Variants in TMPRSS3 observed in about 807,000 individuals in gnomAD.
TMPRSS3 encodes transmembrane protease serine 3.
TMPRSS3 carries 55 observed loss-of-function variants against 59.6 expected under a neutral mutation model. The observed-to-expected ratio is 0.92, with a 90% CI of 0.74 to 1.16. The LOEUF is 1.16. Among genes scored for constraint, TMPRSS3 ranks in the 50% most tolerant of loss-of-function variants. The probability of loss-of-function intolerance (pLI) is 0.00; values close to 1 mark genes in which losing one functional copy is unlikely to be tolerated. For synonymous variants in TMPRSS3, 257 were observed against 237.7 expected (o/e 1.08, Z -0.75); for missense variants, 596 against 579.4 (o/e 1.03, Z -0.29).
At chr21:42,387,526 G>T (rs2146446393) in intron 5 of TMPRSS3, among the ~76,000 whole-genome samples, 1 of 152,258 alleles carries the variant, frequency 6.6e-6, no homozygotes, top group East Asian at 1.9e-4. Flanking sequence ...GGAGGGAGAG[G>T]GAGGCAGACC....
At chr21:42,376,730 C>T in intron 10 of TMPRSS3, 47 bp from the exon 11 acceptor site, 1 of 1,613,068 alleles carries the variant, frequency 6.2e-7, no homozygotes. Context: ...GAAGCCCGGC[C>T]CAAAACACAG....
Position 42,388,501 on chromosome 21 carries a change from C to T in TMPRSS3, c.348G>A (p.Val116=). The T allele has an allele frequency of 6.2e-7, 1 of 1,614,206 alleles. No individual in the cohort carries two copies. The highest frequency in any genetic ancestry group is 8.5e-7 in the Non-Finnish European group (1 of 1,180,040). ...RCVRVGGQNA[V]LQVFTAASWK... Reference sequence around the variant, plus strand: ...ACGAAGCAGCTGTGAACACCTGGAGCACGGCATTCTGACCACCCACCCGGA... The same window carrying T: ...ACGAAGCAGCTGTGAACACCTGGAGTACGGCATTCTGACCACCCACCCGGA... The change falls in exon 5 of 13, where the codon GTG becomes GTA. Residue 116 remains valine, a synonymous_variant. Coordinates refer to ENST00000644384, the MANE Select transcript of TMPRSS3 (RefSeq NM_001256317.3). This position sits in a 1 kb window ranked among gnomAD's most constrained non-coding sequence, Gnocchi z 5.1.
chr21:42,374,880 A>G (rs912965549), intron 12 of TMPRSS3, among the ~76,000 whole-genome samples: 3 of 152,116 alleles, frequency 2.0e-5, no homozygotes, highest in African/African-American at 7.2e-5. Context: ...TTACATTGCA[A>G]GCAAGGACGT....
At chr21:42,395,767 G>C (rs225320) in intron 1 of TMPRSS3, 175 bp downstream of exon 1, 1 of 391,704 alleles carries the variant, frequency 2.6e-6, no homozygotes, top group Admixed American at 3.3e-5. Flanking sequence ...TGCTTTAGAG[G>C]GACTCCCTCT....
At chr21:42,376,729 C>A (rs2052436688) in intron 10 of TMPRSS3, 46 bp from the exon 11 acceptor site, 3 of 1,613,128 alleles carry the variant, frequency 1.9e-6, no homozygotes, top group Non-Finnish European at 2.5e-6. Context: ...GGAAGCCCGG[C>A]CCAAAACACA....
chr21:42,373,984 G>A (rs938218647), intron 12 of TMPRSS3, among the ~76,000 whole-genome samples: 3 of 152,174 alleles, frequency 2.0e-5, no homozygotes, highest in African/African-American at 7.2e-5. Context: ...CTCAGCCCCT[G>A]GGGATCTGTG....
At chr21:42,376,721 A>G (rs774452631) in intron 10 of TMPRSS3, 38 bp from the exon 11 acceptor site, 1 of 1,613,384 alleles carries the variant, frequency 6.2e-7, no homozygotes, top group Admixed American at 1.7e-5. Context: ...TGTGAGAAGG[A>G]AGCCCGGCCC....
At position 42,371,961 on chromosome 21, in the gene TMPRSS3, C is replaced by T. The variant is rs1322304868; in HGVS notation, c.*801G>A. The T allele has an allele frequency of 1.1e-5, 5 of 454,526 alleles. No individual in the cohort carries two copies. Among genetic ancestry groups the T allele is most frequent in the South Asian group, 4.7e-5 (3 of 64,480 alleles). 28.2% of individuals were successfully genotyped at this position (454,526 alleles called of 1,614,324 possible). A position where few individuals can be genotyped will look rare whatever the true frequency, so the allele number is the denominator to read the frequency against. ...CAAGCACCAAATGCTACAAAGAAATCATGAAAATAGGCCTTAAACGAGTCA... is the reference window on the plus strand; with the variant it reads ...CAAGCACCAAATGCTACAAAGAAATTATGAAAATAGGCCTTAAACGAGTCA... On this transcript the variant is annotated 3_prime_UTR_variant, in exon 13 of 13. Transcript: ENST00000644384.
chr21:42,388,240 T>C lies in TMPRSS3; in HGVS notation c.446+163A>G, dbSNP rs74983932. Reference sequence around the variant, plus strand: ...TTAGCCTGTCTGGCCTTGGTTTGCTTGCCTGTGAAGTGAGGATGATATCGG... The same window carrying C: ...TTAGCCTGTCTGGCCTTGGTTTGCTCGCCTGTGAAGTGAGGATGATATCGG... On this transcript the variant is annotated intron_variant, in intron 5 of 12. Coordinates refer to ENST00000644384, the MANE Select transcript of TMPRSS3 (RefSeq NM_001256317.3). The surrounding 1 kb of genome is among the most constrained non-coding windows in gnomAD (Gnocchi z 5.1). Among the ~76,000 whole-genome samples the C allele has an allele frequency of 3.2e-3, 485 of 152,350 alleles. 20 individuals carry two copies. In the East Asian group the frequency reaches 0.071, roughly 22 times the overall value.
In TMPRSS3 at chr21:42,389,032, G is replaced by T; in HGVS notation, c.219C>A (p.Cys73Ter). ...LAIGLGIHFD[C>*]SGKYRCRSSF... ...ATGAGCGACATCTGTACTTCCCTGA[G>T]CAGTCGAAGTGGACTGGGAAAAGGG... Residue 73 changes from cysteine to a stop codon, truncating the protein, a stop_gained, in exon 4 of 13, where the codon TGC becomes TGA. Transcript: ENST00000644384. LOFTEE classifies it high-confidence loss of function. 1 of 1,614,164 alleles carries T rather than the reference G, an allele frequency of 6.2e-7. No individual in the cohort carries two copies. The highest frequency in any genetic ancestry group is 8.5e-7 in the Non-Finnish European group (1 of 1,180,008).
rs759755577 is a variant in TMPRSS3 at position 42,384,024 on chromosome 21, G to A, written c.573-11C>T. The A allele has an allele frequency of 5.0e-6, 8 of 1,613,734 alleles. No homozygotes were observed. The highest frequency in any genetic ancestry group is 6.8e-6 in the Non-Finnish European group (8 of 1,179,862). On this transcript the variant is annotated splice_polypyrimidine_tract_variant and intron_variant, in intron 6 of 12. Coordinates refer to ENST00000644384, the MANE Select transcript of TMPRSS3 (RefSeq NM_001256317.3). ...GAGGCACATCCCTCCCTAAAGCGGA[G>A]AAAAAGTAGGCTCTGTGAAAAATGC...
At chr21:42,385,371 G>A (rs373318467) in intron 6 of TMPRSS3, 38 bp downstream of exon 6, 24 of 1,612,692 alleles carry the variant, frequency 1.5e-5, no homozygotes, top group South Asian at 9.9e-5. Context: ...CAGGTGACTC[G>A]ATACCTGTGC....
chr21:42,384,708 C>T (rs1423727656), intron 6 of TMPRSS3, among the ~76,000 whole-genome samples: 2 of 152,162 alleles, frequency 1.3e-5, no homozygotes, highest in Non-Finnish European at 2.9e-5. Context: ...CTTATTCATC[C>T]CCGACGGACA....
chr21:42,386,411 C>A (rs1601528278), intron 5 of TMPRSS3, among the ~76,000 whole-genome samples: 1 of 152,196 alleles, frequency 6.6e-6, no homozygotes, highest in African/African-American at 2.4e-5. Context: ...AGGGATTGCT[C>A]AATGCACGGA....
chr21:42,395,204 C>T lies in TMPRSS3; in HGVS notation c.94+120G>A, dbSNP rs957371519. ...GCAGATCTAGGGAAGTGCAGGTGTC[C>T]AGCCTGTGGGTGTCAGAATGGCTGG... On this transcript the variant is annotated intron_variant, in intron 2 of 12. Transcript: ENST00000644384. 5.9e-6 allele frequency: 5 copies of T among 842,792 alleles called. No homozygotes were observed. The Admixed American group carries it at 8.0e-5, about 13-fold the overall frequency. 52.2% of individuals were successfully genotyped at this position (842,792 alleles called of 1,614,324 possible). A position where few individuals can be genotyped will look rare whatever the true frequency, so the allele number is the denominator to read the frequency against.
At chr21:42,389,816 A>G in intron 3 of TMPRSS3, 111 bp downstream of exon 3, 12 of 835,588 alleles carry the variant, frequency 1.4e-5, no homozygotes, top group South Asian at 1.4e-4. Context: ...GTTTGCCTCC[A>G]GTAATTAAGG....
rs1488199732 is a variant in TMPRSS3 at position 42,372,165 on chromosome 21, C to T, written c.*597G>A. ...CGTGAGGTCACATAACTGCTTATCTCGTCAGGAATTTTGCAAGACCCCTGG... is the reference window on the plus strand; with the variant it reads ...CGTGAGGTCACATAACTGCTTATCTTGTCAGGAATTTTGCAAGACCCCTGG... On this transcript the variant is annotated 3_prime_UTR_variant, in exon 13 of 13. Coordinates refer to ENST00000644384, the MANE Select transcript of TMPRSS3 (RefSeq NM_001256317.3). The T allele has an allele frequency of 1.6e-5, 7 of 441,808 alleles. No individual in the cohort carries two copies. The highest frequency in any genetic ancestry group is 4.7e-5 in the South Asian group (3 of 64,136). The allele number at this position is 441,808 out of a possible 1,614,324, so 27.4% of individuals were successfully genotyped here.
chr21:42,375,597 G>T, intron 12 of TMPRSS3, 119 bp downstream of exon 12: 1 of 1,320,976 alleles, frequency 7.6e-7, no homozygotes, highest in Non-Finnish European at 1.1e-6. Flanking sequence ...AGTCACTGCT[G>T]CTGAATTGAC....
chr21:42,390,993 G>A (rs768838640), intron 2 of TMPRSS3, among the ~76,000 whole-genome samples: 3 of 152,182 alleles, frequency 2.0e-5, no homozygotes, highest in Non-Finnish European at 4.4e-5. Flanking sequence ...CTCCAGAACT[G>A]AGACAATAAA....
Sources: gnomAD v4.1 joint callset for allele counts (sites outside exome capture counted in the v4.1 genomes callset) on GRCh38, gnomAD v4.1.1 for gene constraint, Gnocchi (gnomAD v3.1) non-coding constraint, MANE v1.5 for transcripts, NCBI Gene and HGNC (gene_info 2026-07-23, HGNC 2026-07-21) for gene names.